The following HHLA2 variants were observed in gnomAD, a reference collection of about 807,000 sequenced individuals.
The protein encoded by HHLA2 is HHLA2 member of B7 family.
A neutral mutation model predicts 45.9 loss-of-function variants in HHLA2; 48 were observed. The observed-to-expected ratio is 1.05, with a 90% CI of 0.83 to 1.33. The LOEUF is 1.33. HHLA2 is among the 40% of genes most tolerant of loss of function. The pLI, the probability that HHLA2 is intolerant of heterozygous loss-of-function variation, is 0.00. For missense variants in HHLA2, 462 were observed against 494.3 expected, an observed-to-expected ratio of 0.93 and a Z score of 0.62; for synonymous variants, 161 against 173.9, an observed-to-expected ratio of 0.93 and a Z score of 0.59.
chr3:108,326,408 G>C (rs1163413306), intron 2 of HHLA2, among the ~76,000 whole-genome samples: 4 of 152,086 alleles, frequency 2.6e-5, no homozygotes, highest in African/African-American at 9.7e-5. Context: ...CCAAGCAAAA[G>C]GAGTTTCCCT....
chr3:108,296,822 A>G (rs902319187), intron 1 of HHLA2, among the ~76,000 whole-genome samples: 1 of 152,268 alleles, frequency 6.6e-6, no homozygotes, highest in Non-Finnish European at 1.5e-5. Context: ...TATTTCAAAT[A>G]AAAGAACTTA....
intron 2 of HHLA2, among the ~76,000 whole-genome samples, chr3:108,311,194 T>A (rs1198666397): frequency 6.6e-6 from 1 of 152,214 alleles, no homozygotes; most frequent in Non-Finnish European, 1.5e-5. Context: ...CTAATAAGCC[T>A]GTAATCATTT....
intron 8 of HHLA2, among the ~76,000 whole-genome samples, chr3:108,362,832 G>A (rs1253958067): frequency 6.6e-6 from 1 of 152,046 alleles, no homozygotes; most frequent in Non-Finnish European, 1.5e-5. Context: ...ATCCTGCATT[G>A]AAAAGTAACT....
intron 3 of HHLA2, among the ~76,000 whole-genome samples, chr3:108,334,249 T>C (rs1166232221): frequency 6.6e-6 from 1 of 152,188 alleles, no homozygotes; most frequent in Non-Finnish European, 1.5e-5. Context: ...AAACATGGAA[T>C]CTTTGGGAAC....
intron 3 of HHLA2, among the ~76,000 whole-genome samples, chr3:108,340,244 G>A (rs1159567341): frequency 6.6e-6 from 1 of 151,878 alleles, no homozygotes; most frequent in African/African-American, 2.4e-5. Context: ...TCTCAAAGAA[G>A]GTGGTAGCTG....
intron 1 of HHLA2, among the ~76,000 whole-genome samples, chr3:108,301,168 T>TCCCTA (rs1388503066): frequency 6.6e-6 from 1 of 152,158 alleles, no homozygotes; most frequent in Admixed American, 6.5e-5. Context: ...AATTTAGCGT[T>TCCCTA]TTATTTTATA....
chr3:108,298,983 C>T (rs2080806980), intron 1 of HHLA2, among the ~76,000 whole-genome samples: 1 of 152,184 alleles, frequency 6.6e-6, no homozygotes, highest in Non-Finnish European at 1.5e-5. Flanking sequence ...CTAGACACCA[C>T]CTTCGAGAAA....
intron 2 of HHLA2, among the ~76,000 whole-genome samples, chr3:108,315,718 A>G (rs1374273711): frequency 6.6e-6 from 1 of 152,214 alleles, no homozygotes. Flanking sequence ...GCATATAATA[A>G]GCATAAATAG....
At chr3:108,369,669 T>C (rs1041067026) in intron 8 of HHLA2, among the ~76,000 whole-genome samples, 4 of 152,222 alleles carry the variant, frequency 2.6e-5, no homozygotes, top group Non-Finnish European at 4.4e-5. Context: ...GATTATATCC[T>C]GTGCATGACT....
chr3:108,361,441 C>T (rs1266554822), intron 7 of HHLA2, among the ~76,000 whole-genome samples: 1 of 152,058 alleles, frequency 6.6e-6, no homozygotes, highest in Admixed American at 6.6e-5. Context: ...TGCTTGTGAT[C>T]AAGTAACCCT....
At chr3:108,364,963 G>T (rs529576617) in intron 8 of HHLA2, among the ~76,000 whole-genome samples, 2 of 152,146 alleles carry the variant, frequency 1.3e-5, no homozygotes, top group Non-Finnish European at 2.9e-5. Flanking sequence ...TCACTCTGAT[G>T]ATAGTTTCTA....
Position 108,355,162 on chromosome 3 carries a change from T to C in HHLA2, c.466T>C (p.Phe156Leu), listed in dbSNP as rs1403699062. ...GTATGAAAAGAGGAACACAAACAGC[T>C]TCTTAATATGCAGCGTGTTAAGTGT... The change falls in exon 6 of 11, where the codon TTC becomes CTC. Residue 156 changes from phenylalanine to leucine, a missense_variant. This residue lies in a region of HHLA2 where 335 missense variants were observed against 367.4 expected (regional missense o/e 0.91). Transcript: ENST00000619531. The C allele has an allele frequency of 1.9e-6, 3 of 1,613,518 alleles. No individual in the cohort carries two copies. In the South Asian group the frequency reaches 3.3e-5, roughly 18 times the overall value.
At chr3:108,313,626 G>T (rs1445718835) in intron 2 of HHLA2, among the ~76,000 whole-genome samples, 1 of 152,192 alleles carries the variant, frequency 6.6e-6, no homozygotes, top group Non-Finnish European at 1.5e-5. Context: ...CCCTGTAGCT[G>T]CCGGTTAAAA....
intron 1 of HHLA2, among the ~76,000 whole-genome samples, chr3:108,301,172 T>TTTAGCATATAATG (rs1322906606): frequency 6.6e-6 from 1 of 152,174 alleles, no homozygotes; most frequent in Admixed American, 6.6e-5. Context: ...TAGCGTTTTA[T>TTTAGCATATAATG]TTTATATGCA....
chr3:108,328,307 G>T (rs1053211392), exon 3 of HHLA2: 64 of 1,529,976 alleles, frequency 4.2e-5, no homozygotes, highest in Non-Finnish European at 5.2e-5. Context: ...GATTGTGATG[G>T]TGATGTGGAA....
intron 8 of HHLA2, among the ~76,000 whole-genome samples, chr3:108,366,731 C>A (rs2082069011): frequency 6.6e-6 from 1 of 152,206 alleles, no homozygotes; most frequent in Non-Finnish European, 1.5e-5. Context: ...TTATCTATTT[C>A]TTCTAGATTT....
chr3:108,302,620 T>C (rs1399142027), intron 1 of HHLA2: 2 of 149,022 alleles, frequency 1.3e-5, no homozygotes, highest in Non-Finnish European at 2.9e-5. Flanking sequence ...CCTTGCTACA[T>C]GGACTTTAGC....
intron 10 of HHLA2, 83 bp from the exon 10 acceptor site, chr3:108,377,175 C>A: frequency 1.1e-6 from 1 of 943,790 alleles, no homozygotes; most frequent in Non-Finnish European, 1.7e-6. Context: ...CCCCAAAACA[C>A]TACTATCAAT....
chr3:108,304,160 T>C (rs1048181403), intron 1 of HHLA2, among the ~76,000 whole-genome samples: 2 of 152,192 alleles, frequency 1.3e-5, no homozygotes, highest in Admixed American at 1.3e-4. Context: ...TCAACGCCAT[T>C]GTTTATGTTC....
Sources: gnomAD v4.1 joint callset for allele counts (sites outside exome capture counted in the v4.1 genomes callset) on GRCh38, gnomAD v4.1.1 for gene constraint, gnomAD v4.1.1 regional missense constraint, MANE v1.5 for transcripts, NCBI Gene and HGNC (gene_info 2026-07-23, HGNC 2026-07-21) for gene names.